The following KDM4C variants were observed in gnomAD, a reference collection of about 807,000 sequenced individuals.
The protein encoded by KDM4C is lysine demethylase 4C.
A neutral mutation model predicts 129.3 loss-of-function variants in KDM4C; 81 were observed. The observed-to-expected ratio is 0.63, with a 90% CI of 0.52 to 0.75. The LOEUF is 0.75. KDM4C is among the 30% of genes least tolerant of loss of function. The probability of loss-of-function intolerance (pLI) is 0.00; values close to 1 mark genes in which losing one functional copy is unlikely to be tolerated. For missense variants in KDM4C, 1,457 were observed against 1,304.0 expected, an observed-to-expected ratio of 1.12 and a Z score of -1.81; for synonymous variants, 573 against 456.1, an observed-to-expected ratio of 1.26 and a Z score of -3.26.
chr9:6,738,946 C>T (rs1164245833), intron 1 of KDM4C, among the ~76,000 whole-genome samples: 2 of 151,934 alleles, frequency 1.3e-5, no homozygotes, highest in African/African-American at 4.8e-5. Context: ...CCTGGCTGGT[C>T]TCGAAATCCT....
chr9:6,805,552 T>C (rs767251937), intron 2 of KDM4C, 47 bp from the exon 3 acceptor site: 2 of 1,377,754 alleles, frequency 1.5e-6, no homozygotes, highest in Non-Finnish European at 2.0e-6. Context: ...GCTAAATTAC[T>C]TGGAGTATTT....
At chr9:6,977,206 A>G (rs1589420766) in intron 8 of KDM4C, among the ~76,000 whole-genome samples, 2 of 152,124 alleles carry the variant, frequency 1.3e-5, no homozygotes, top group Non-Finnish European at 2.9e-5. Flanking sequence ...TCCCTTCTTT[A>G]TGATTGTCCT....
chr9:7,170,121 T>G, intron 21 of KDM4C: 1 of 1,408,510 alleles, frequency 7.1e-7, no homozygotes, highest in Non-Finnish European at 9.4e-7. Flanking sequence ...ACATGATGCT[T>G]CTTTGTGTTG....
intron 4 of KDM4C, among the ~76,000 whole-genome samples, chr9:6,836,614 A>T (rs897369504): frequency 6.6e-6 from 1 of 152,130 alleles, no homozygotes; most frequent in African/African-American, 2.4e-5. Flanking sequence ...CTTGTAAAAA[A>T]TAGTTTTCTC....
intron 10 of KDM4C, among the ~76,000 whole-genome samples, chr9:6,986,026 G>T (rs1563934703): frequency 6.6e-6 from 1 of 152,136 alleles, no homozygotes; most frequent in Non-Finnish European, 1.5e-5. Flanking sequence ...TGTTTAATTA[G>T]CCAGTTTATG....
rs1827062649 is a variant in KDM4C at position 6,793,242 on chromosome 9, CT to C, written c.144+113del. 2.7e-6 allele frequency: 3 copies of C among 1,110,598 alleles called. No homozygotes were observed. The Admixed American group carries it at 6.8e-5, about 25-fold the overall frequency. The allele number at this position is 1,110,598 out of a possible 1,614,324, so 68.8% of individuals were successfully genotyped here. ...TTCTGAAGGAAGAAATTTGCAAAAT[CT>C]TTGTTCTCGTTAATCCATGTGAAAC... On this transcript the variant is annotated intron_variant, in intron 2 of 21. Transcript: ENST00000381309.
At chr9:6,935,203 C>T (rs1165711080) in intron 8 of KDM4C, among the ~76,000 whole-genome samples, 1 of 151,542 alleles carries the variant, frequency 6.6e-6, no homozygotes, top group Admixed American at 6.6e-5. Context: ...TTATTTTTTC[C>T]TCTCTCATCA....
chr9:6,735,794 G>A lies in KDM4C; in HGVS notation c.49+14797G>A, dbSNP rs1817508119. The stretch of plus-strand genomic sequence containing the variant: ...ACTAGTAGAGCAGGGCACTGCTGTA[G>A]ATACCCAAAAATGTGGAAGCTACTT... On this transcript the variant is annotated intron_variant, in intron 1 of 17. Coordinates refer to the KDM4C transcript ENST00000536108. Among the ~76,000 whole-genome samples the A allele has an allele frequency of 2.0e-5, 3 of 152,162 alleles. No homozygotes were observed. The South Asian group carries it at 6.2e-4, about 32-fold the overall frequency.
intron 8 of KDM4C, among the ~76,000 whole-genome samples, chr9:6,934,905 T>A (rs1219464062): frequency 1.3e-5 from 2 of 151,948 alleles, no homozygotes; most frequent in Non-Finnish European, 2.9e-5. Context: ...TTAAATTAGG[T>A]ATACCAGATT....
intron 8 of KDM4C, among the ~76,000 whole-genome samples, chr9:6,976,109 A>C (rs1832871361): frequency 1.3e-5 from 2 of 152,160 alleles, no homozygotes; most frequent in Non-Finnish European, 2.9e-5. Flanking sequence ...AACGTATCTG[A>C]ACTTGCACAG....
chr9:6,858,933 T>C (rs1367191469), intron 5 of KDM4C, among the ~76,000 whole-genome samples: 1 of 152,184 alleles, frequency 6.6e-6, no homozygotes, highest in African/African-American at 2.4e-5. Flanking sequence ...TAATATTTGT[T>C]ATGCAAAAAT....
At chr9:7,144,507 C>T (rs1372805153) in intron 19 of KDM4C, among the ~76,000 whole-genome samples, 1 of 152,226 alleles carries the variant, frequency 6.6e-6, no homozygotes, top group African/African-American at 2.4e-5. Context: ...CAGCCCTTCC[C>T]TTTCAACTGG....
chr9:6,942,282 A>AGTGTGTGTGTGTGTGT (rs58676459), intron 8 of KDM4C, among the ~76,000 whole-genome samples: 87 of 142,712 alleles, frequency 6.1e-4, no homozygotes, highest in African/African-American at 9.4e-4. Flanking sequence ...TAGCCCTCAA[A>AGTGTGTGTGTGTGTGT]GTGTGTGTGT....
intron 12 of KDM4C, among the ~76,000 whole-genome samples, chr9:6,995,905 T>C (rs879379135): frequency 3.3e-5 from 5 of 152,060 alleles, no homozygotes; most frequent in African/African-American, 9.7e-5. Flanking sequence ...TCTGACCTCG[T>C]GATCTGCCCA....
intron 19 of KDM4C, among the ~76,000 whole-genome samples, chr9:7,136,114 T>C (rs1176639885): frequency 2.6e-5 from 4 of 152,194 alleles, no homozygotes; most frequent in Non-Finnish European, 5.9e-5. Flanking sequence ...TTAGAAGAGT[T>C]TTTTGTGTAT....
chr9:7,170,268 G>A, intron 21 of KDM4C: 1 of 1,096,602 alleles, frequency 9.1e-7, no homozygotes. Context: ...TAGATCAAAG[G>A]GGACTCGGCA....
intron 8 of KDM4C, among the ~76,000 whole-genome samples, chr9:6,974,276 T>G (rs1397388283): frequency 6.6e-6 from 1 of 152,244 alleles, no homozygotes; most frequent in Non-Finnish European, 1.5e-5. Flanking sequence ...TCAGTATACC[T>G]GAACATTTTA....
chr9:6,954,480 A>T (rs1014218819), intron 8 of KDM4C, among the ~76,000 whole-genome samples: 6 of 152,164 alleles, frequency 3.9e-5, no homozygotes, highest in African/African-American at 1.4e-4. Context: ...GCTACTCTTG[A>T]CAAGTCTCAG....
intron 8 of KDM4C, among the ~76,000 whole-genome samples, chr9:6,915,732 C>T (rs1055356194): frequency 2.8e-4 from 42 of 151,986 alleles, no homozygotes; most frequent in African/African-American, 9.9e-4. Flanking sequence ...GTGGCTATGC[C>T]CTGTATCCAA....
Sources: allele counts gnomAD v4.1 joint callset (sites outside exome capture counted in the v4.1 genomes callset), GRCh38; gene constraint gnomAD v4.1.1; transcripts MANE v1.5; gene names NCBI Gene and HGNC (gene_info 2026-07-23, HGNC 2026-07-21).